Variants in UGT2B11 observed in about 807,000 individuals in gnomAD.
UGT2B11 encodes UDP-glucuronosyltransferase 2B11.
In UGT2B11, 49 loss-of-function variants were observed where a neutral mutation model predicts 51.7. The observed-to-expected ratio is 0.95, with a 90% CI of 0.75 to 1.20. The LOEUF (loss-of-function observed/expected upper bound fraction) is 1.20, where lower values mean the gene tolerates loss of function less well. Ranked by LOEUF, UGT2B11 falls within the 50% of genes most tolerant of loss-of-function variation. The pLI is 0.00. For missense variants in UGT2B11, 810 were observed against 622.1 expected (o/e 1.30, Z -3.21); for synonymous variants, 273 against 209.0 (o/e 1.31, Z -2.64).
At chr4:69,219,084 G>A (rs1722344710), upstream of UGT2B11, among the ~76,000 whole-genome samples, 2 of 151,676 alleles carry the variant, frequency 1.3e-5, no homozygotes, top group Non-Finnish European at 2.9e-5. Context: ...CAGCCTCAGT[G>A]ACTACTTCTT....
chr4:69,205,171 G>A (rs1250981385), intron 4 of UGT2B11, among the ~76,000 whole-genome samples: 3 of 151,644 alleles, frequency 2.0e-5, no homozygotes, highest in Non-Finnish European at 4.4e-5. Flanking sequence ...TAATCCTGCA[G>A]GAGAGGAGAA....
At chr4:69,203,884 T>C (rs563981440) in intron 5 of UGT2B11, among the ~76,000 whole-genome samples, 1 of 151,548 alleles carries the variant, frequency 6.6e-6, no homozygotes, top group East Asian at 2.0e-4. Flanking sequence ...GTTTCTTTTG[T>C]GTTGATAAAA....
chr4:69,205,048 C>T (rs533133502), intron 4 of UGT2B11, among the ~76,000 whole-genome samples: 24 of 151,804 alleles, frequency 1.6e-4, no homozygotes, highest in African/African-American at 5.8e-4. Flanking sequence ...AGACAGGTCA[C>T]ACTTCATCAT....
At chr4:69,214,790 C>T, upstream of UGT2B11, 1 of 1,544,416 alleles carries the variant, frequency 6.5e-7, no homozygotes, top group Non-Finnish European at 8.7e-7. Flanking sequence ...AGAGATAAAT[C>T]AATCAAGTTA....
chr4:69,212,445 A>G, intron 2 of UGT2B11, 128 bp downstream of exon 2: 3 of 1,474,686 alleles, frequency 2.0e-6, no homozygotes, highest in Non-Finnish European at 2.7e-6. Context: ...TCTAATTAGT[A>G]TCTGCTTTAC....
the UGT2B11 span, among the ~76,000 whole-genome samples, chr4:69,222,541 C>T: frequency 6.6e-6 from 1 of 152,158 alleles, no homozygotes; most frequent in Non-Finnish European, 1.5e-5. Context: ...GAATTTTTGC[C>T]ACTCCTCCAG....
upstream of UGT2B11, among the ~76,000 whole-genome samples, chr4:69,219,255 T>C (rs1722353033): frequency 1.3e-5 from 2 of 152,178 alleles, no homozygotes; most frequent in Admixed American, 1.3e-4. Flanking sequence ...TTGAGAATTC[T>C]TTCTTGATGT....
intron 5 of UGT2B11, among the ~76,000 whole-genome samples, chr4:69,201,932 A>G (rs1577958780): frequency 6.6e-6 from 1 of 151,984 alleles, no homozygotes. Flanking sequence ...AGGTCCTGGT[A>G]TAAGCTATCA....
At chr4:69,201,271 G>C (rs578208835) in intron 5 of UGT2B11, 1 of 151,948 alleles carries the variant, frequency 6.6e-6, no homozygotes, top group South Asian at 2.1e-4. Flanking sequence ...TTCCTAAAAA[G>C]GAATTTTATC....
intron 2 of UGT2B11, among the ~76,000 whole-genome samples, chr4:69,210,093 C>A (rs567254304): frequency 6.6e-6 from 1 of 151,508 alleles, no homozygotes; most frequent in East Asian, 2.0e-4. Context: ...TTTTATCCTG[C>A]GAAAACTTCC....
upstream of UGT2B11, among the ~76,000 whole-genome samples, chr4:69,217,979 C>G (rs145064976): frequency 7.2e-4 from 110 of 152,178 alleles, no homozygotes; most frequent in Middle Eastern, 6.8e-3. Flanking sequence ...AGGACTCTGC[C>G]TTCGTGACCT....
At chr4:69,217,152 T>C (rs570694456), upstream of UGT2B11, among the ~76,000 whole-genome samples, 835 of 152,226 alleles carry the variant, frequency 5.5e-3, 2 homozygotes, top group Non-Finnish European at 8.4e-3. Flanking sequence ...GCATTCCTTA[T>C]GTTTCTCACT....
rs578076257 is a variant in UGT2B11, at chr4:69,200,992, C to T, written c.1311-273G>A. ...AGAAAATATAAGGCATTTTAACTGG[C>T]TTTTAATTGTTTAATGTTAAGTTTT... On this transcript the variant is annotated intron_variant, in intron 5 of 5. Transcript: ENST00000446444. Among the ~76,000 whole-genome samples the T allele has an allele frequency of 7.3e-3, 1,078 of 147,418 alleles. 4 individuals are homozygous for T. The highest frequency in any genetic ancestry group is 0.012 in the Non-Finnish European group (794 of 66,750).
upstream of UGT2B11, among the ~76,000 whole-genome samples, chr4:69,219,454 T>C (rs377707187): frequency 9.5e-4 from 144 of 151,396 alleles, 5 homozygotes; most frequent in South Asian, 0.029. Flanking sequence ...TTCAGTTATG[T>C]TCTCTTCTAT....
rs1385599149 is a variant in UGT2B11 at position 69,201,580 on chromosome 4, C to T, written c.1311-861G>A. On this transcript the variant is annotated intron_variant, in intron 5 of 5. Coordinates refer to ENST00000446444, the MANE Select transcript of UGT2B11 (RefSeq NM_001073.3). ...TTCTTTAAGCTTCCAAAGGTGTTCTCATCTTAGAACTTTACACGTTTTGAC... is the reference window on the plus strand; with the variant it reads ...TTCTTTAAGCTTCCAAAGGTGTTCTTATCTTAGAACTTTACACGTTTTGAC... Among the ~76,000 whole-genome samples the T allele has an allele frequency of 2.0e-5, 3 of 151,762 alleles. No homozygotes were observed. In the East Asian group the frequency reaches 5.9e-4, roughly 30 times the overall value.
At chr4:69,202,692 C>T (rs1207404206) in intron 5 of UGT2B11, among the ~76,000 whole-genome samples, 3 of 151,706 alleles carry the variant, frequency 2.0e-5, no homozygotes, top group South Asian at 2.1e-4. Context: ...TTATTTGCTC[C>T]TTTATTAAAA....
upstream of UGT2B11, chr4:69,214,838 G>C (rs147562824): frequency 2.4e-5 from 35 of 1,476,164 alleles, no homozygotes; most frequent in African/African-American, 4.5e-4. Context: ...ATATATTATA[G>C]GAGCATCCTG....
At chr4:69,209,712 G>A (rs1001981997) in intron 2 of UGT2B11, among the ~76,000 whole-genome samples, 6 of 151,582 alleles carry the variant, frequency 4.0e-5, no homozygotes, top group South Asian at 2.1e-4. Flanking sequence ...TAGGTGTTGC[G>A]TGTGATTGCA....
chr4:69,203,370 A>T (rs530560564), intron 5 of UGT2B11, among the ~76,000 whole-genome samples: 1 of 151,844 alleles, frequency 6.6e-6, no homozygotes, highest in Admixed American at 6.6e-5. Flanking sequence ...TCTGGCAACA[A>T]TGTGGAGGAA....
Sources: gnomAD v4.1 joint callset for allele counts (sites outside exome capture counted in the v4.1 genomes callset) on GRCh38, gnomAD v4.1.1 for gene constraint, MANE v1.5 for transcripts, NCBI Gene and HGNC (gene_info 2026-07-23, HGNC 2026-07-21) for gene names.